Variants in DAXX observed in about 807,000 individuals in gnomAD.
DAXX encodes death domain associated protein.
Under a neutral mutation model 61.9 loss-of-function variants are expected in DAXX, and 24 were observed. The observed-to-expected ratio is 0.39, with a 90% confidence interval of 0.28 to 0.55. The LOEUF is 0.55. Among genes scored for constraint, DAXX ranks in the 20% least tolerant of loss-of-function variants. The probability of loss-of-function intolerance (pLI) is 0.69; values close to 1 mark genes in which losing one functional copy is unlikely to be tolerated. For missense variants in DAXX, 819 were observed against 935.3 expected (o/e 0.88, Z 1.62); for synonymous variants, 357 against 369.5 (o/e 0.97, Z 0.39).
At chr6:33,319,346 T>C (rs1027504961) in intron 6 of DAXX, 34 bp downstream of exon 6, 3 of 1,592,516 alleles carry the variant, frequency 1.9e-6, no homozygotes, top group Non-Finnish European at 2.6e-6. Flanking sequence ...CAATCCCTCC[T>C]TGGCTTCCCT....
In DAXX at chr6:33,319,405, TTTG is replaced by T; in HGVS notation, c.1912_1914del (p.Gln638del). ...CTGTTTCCTAATGGCCCTGATCCTG[TTTG>T]CTTCTTCTCCTTCCGAGATTTTTTG... On this transcript the variant is annotated inframe_deletion, in exon 6 of 8. Coordinates refer to ENST00000374542, the MANE Select transcript of DAXX (RefSeq NM_001141969.2). 1 of 1,612,844 alleles carries T rather than the reference TTTG, an allele frequency of 6.2e-7. No homozygotes were observed. Among genetic ancestry groups the T allele is most frequent in the African/African-American group, 1.3e-5 (1 of 74,972 alleles).
In DAXX at chr6:33,318,571, G is replaced by T. The variant is rs752008329; in HGVS notation, c.*172C>A. 3 of 437,688 alleles carry T rather than the reference G, an allele frequency of 6.9e-6. No homozygotes were observed. Among genetic ancestry groups the T allele is most frequent in the Non-Finnish European group, 8.1e-6 (2 of 247,618 alleles). 27.1% of individuals were successfully genotyped at this position (437,688 alleles called of 1,614,324 possible). On this transcript the variant is annotated 3_prime_UTR_variant, in exon 8 of 8. Coordinates refer to ENST00000374542, the MANE Select transcript of DAXX (RefSeq NM_001141969.2). ...AAAAGACAGTGATACAGTAAGAAAA[G>T]AACTTTATTGTTTATTAATGTTTCT...
At position 33,321,544 on chromosome 6, in the gene DAXX, C is replaced by G. The variant is rs2150998642; in HGVS notation, c.231G>C (p.Gln77His). ...GGACCACCTCAGGGTGGTCTGCTGT[C>G]TGCATCTTACAAAGTTCAAGGAACT... Reference protein sequence around the residue: ...FEEFLELCKMQTADHPEVVPF... With the variant: ...FEEFLELCKMHTADHPEVVPF... Residue 77 changes from glutamine to histidine, a missense_variant, in exon 3 of 8, where the codon CAG becomes CAC. Transcript: ENST00000374542. This position sits in a 1 kb window ranked among gnomAD's most constrained non-coding sequence, Gnocchi z 7.2. 6.2e-7 allele frequency: 1 copy of G among 1,613,414 alleles called. No homozygotes were observed. Among genetic ancestry groups the G allele is most frequent in the Non-Finnish European group, 8.5e-7 (1 of 1,179,810 alleles).
In DAXX at chr6:33,322,846, A is replaced by G; in HGVS notation, c.-53+16T>C. On this transcript the variant is annotated intron_variant, in intron 1 of 7. Coordinates refer to ENST00000374542, the MANE Select transcript of DAXX (RefSeq NM_001141969.2). ...CCCCGCCCCCGCCTCTGATCCCCGC[A>G]CCGTCCGGCCCCCACCTCAGAAACC... The G allele has an allele frequency of 2.4e-6, 2 of 816,810 alleles. No homozygotes were observed. Among genetic ancestry groups the G allele is most frequent in the Non-Finnish European group, 3.3e-6 (2 of 603,114 alleles). 50.6% of individuals were successfully genotyped at this position (816,810 alleles called of 1,614,324 possible).
Position 33,321,523 on chromosome 6 carries a change from C to T in DAXX, c.252G>A (p.Val84=), listed in dbSNP as rs756002031. Reference sequence around the variant, plus strand: ...GCTGCCGGTTATAGAGGAATGGGACCACCTCAGGGTGGTCTGCTGTCTGCA... The same window carrying T: ...GCTGCCGGTTATAGAGGAATGGGACTACCTCAGGGTGGTCTGCTGTCTGCA... The part of the protein sequence containing the change: ...CKMQTADHPE[V]VPFLYNRQQR... The change falls in exon 3 of 8, where the codon GTG becomes GTA. Residue 84 remains valine, a synonymous_variant. Coordinates refer to ENST00000374542, the MANE Select transcript of DAXX (RefSeq NM_001141969.2). The surrounding 1 kb of genome is among the most constrained non-coding windows in gnomAD (Gnocchi z 7.2). 10 of 1,613,814 alleles carry T rather than the reference C, an allele frequency of 6.2e-6. No individual in the cohort carries two copies. Among genetic ancestry groups the T allele is most frequent in the Non-Finnish European group, 1.7e-6 (2 of 1,180,002 alleles).
Position 33,321,076 on chromosome 6 carries a change from G to A in DAXX, c.699C>T (p.Ile233=), listed in dbSNP as rs1277799430. 6.2e-7 allele frequency: 1 copy of A among 1,613,458 alleles called. No individual in the cohort carries two copies. Among genetic ancestry groups the A allele is most frequent in the Non-Finnish European group, 8.5e-7 (1 of 1,179,358 alleles). Reference sequence around the variant, plus strand: ...GCTCACATAGTCGCCCAAAGAGGCGGATCAGCTTACGCTTCAACCGTGCCT... The same window carrying A: ...GCTCACATAGTCGCCCAAAGAGGCGAATCAGCTTACGCTTCAACCGTGCCT... The part of the protein sequence containing the change: ...LQEARLKRKL[I]RLFGRLCELK... The change falls in exon 3 of 8, where the codon ATC becomes ATT. Residue 233 remains isoleucine, a synonymous_variant. Transcript: ENST00000374542. The surrounding 1 kb of genome is among the most constrained non-coding windows in gnomAD (Gnocchi z 7.2).
In DAXX at chr6:33,322,888, C is replaced by T. The variant is rs1172977292; in HGVS notation, c.-79G>A. Reference sequence around the variant, plus strand: ...TCAGAAACCGTCTCTCGAGGCGACCCTCGCCGCAATTCTCAGAACCTCGCA... The same window carrying T: ...TCAGAAACCGTCTCTCGAGGCGACCTTCGCCGCAATTCTCAGAACCTCGCA... On this transcript the variant is annotated 5_prime_UTR_variant, in exon 1 of 8. Coordinates refer to ENST00000374542, the MANE Select transcript of DAXX (RefSeq NM_001141969.2). 1 of 1,443,334 alleles carries T rather than the reference C, an allele frequency of 6.9e-7. No homozygotes were observed. The highest frequency in any genetic ancestry group is 9.4e-7 in the Non-Finnish European group (1 of 1,067,168). 89.4% of individuals were successfully genotyped at this position (1,443,334 alleles called of 1,614,324 possible).
chr6:33,322,160 G>T (rs1330562034), intron 1 of DAXX, among the ~76,000 whole-genome samples, 183 bp from the exon 2 acceptor site: 3 of 151,342 alleles, frequency 2.0e-5, no homozygotes, highest in Non-Finnish European at 4.4e-5. Flanking sequence ...GGTGTGGGGG[G>T]GGGGCAAACC....
At position 33,320,958 on chromosome 6, in the gene DAXX, G is replaced by A. The variant is rs757641659; in HGVS notation, c.817C>T (p.Arg273Trp). 4 of 1,613,814 alleles carry A rather than the reference G, an allele frequency of 2.5e-6. No homozygotes were observed. Among genetic ancestry groups the A allele is most frequent in the East Asian group, 2.2e-5 (1 of 44,880 alleles). The change falls in exon 3 of 8, where the codon CGG (arginine) becomes TGG (tryptophan). Residue 273 changes from arginine (R) to tryptophan (W), a missense_variant. Coordinates refer to ENST00000374542, the MANE Select transcript of DAXX (RefSeq NM_001141969.2). This position sits in a 1 kb window ranked among gnomAD's most constrained non-coding sequence, Gnocchi z 7.1. The part of the protein sequence containing the change: ...RYPEVNRRIE[R>W]LINKPGPDTF... The stretch of plus-strand genomic sequence containing the variant: ...TCAGGCCCTGGCTTGTTGATGAGCC[G>A]CTCAATGCGCCTGTTAACCTCTGGG...
chr6:33,321,423 T>TCCGGGC lies in DAXX; in HGVS notation c.346_351dup (p.Ala116_Arg117dup), dbSNP rs1267008461. The TCCGGGC allele has an allele frequency of 1.9e-6, 3 of 1,613,658 alleles. No individual in the cohort carries two copies. The highest frequency in any genetic ancestry group is 2.5e-6 in the Non-Finnish European group (3 of 1,179,802). ...TAGACATAGAGCTTGGCTGGCCGGCTCCGGGCCCGAGACAGGACCCTAGAG... is the reference window on the plus strand; with the variant it reads ...TAGACATAGAGCTTGGCTGGCCGGCTCCGGGCCCGGGCCCGAGACAGGACCCTAGAG... On this transcript the variant is annotated inframe_insertion, in exon 3 of 8. Transcript: ENST00000374542. The surrounding 1 kb of genome is among the most constrained non-coding windows in gnomAD (Gnocchi z 7.2).
At position 33,319,171 on chromosome 6, in the gene DAXX, T is replaced by C; in HGVS notation, c.1989A>G (p.Ile663Met). ...RSVHEKNGKK[I>M]CTLPSPPSPL... ...GGGAAGGTGGGCTGGGCAGGGTACA[T>C]ATCTTTTTCCCATTCTTCTCATGCA... Residue 663 changes from isoleucine to methionine, a missense_variant, in exon 7 of 8, where the codon ATA becomes ATG. By Grantham distance (10) the Ile-to-Met change is conservative (BLOSUM62 1). Coordinates refer to ENST00000374542, the MANE Select transcript of DAXX (RefSeq NM_001141969.2). 6.2e-7 allele frequency: 1 copy of C among 1,612,440 alleles called. No individual in the cohort carries two copies. Among genetic ancestry groups the C allele is most frequent in the Non-Finnish European group, 8.5e-7 (1 of 1,178,792 alleles).
chr6:33,322,796 C>G (rs904156032), intron 1 of DAXX, 66 bp downstream of exon 1: 4 of 772,628 alleles, frequency 5.2e-6, no homozygotes, highest in Admixed American at 4.2e-5. Context: ...GCGCCCAGCT[C>G]TCCCCAATAC....
Position 33,320,527 on chromosome 6 carries a change from G to A in DAXX, c.1104C>T (p.Ala368=), listed in dbSNP as rs781403824. The A allele has an allele frequency of 6.2e-6, 10 of 1,613,810 alleles. No homozygotes were observed. The highest frequency in any genetic ancestry group is 2.2e-5 in the East Asian group (1 of 44,898). ...ARRLRENRSL[A]MSRLDEVISK... ...AGATGACCTCATCCAGCCGACTCAT[G>A]GCCAAACTCCGGTTTTCCCGAAGGC... The change falls in exon 4 of 8, where the codon GCC becomes GCT. Residue 368 remains alanine, a synonymous_variant. Coordinates refer to ENST00000374542, the MANE Select transcript of DAXX (RefSeq NM_001141969.2). This position sits in a 1 kb window ranked among gnomAD's most constrained non-coding sequence, Gnocchi z 7.1.
At position 33,322,954 on chromosome 6, in the gene DAXX, C is replaced by A; in HGVS notation, c.-145G>T. 7 of 1,191,632 alleles carry A rather than the reference C, an allele frequency of 5.9e-6. No homozygotes were observed. The highest frequency in any genetic ancestry group is 3.1e-5 in the East Asian group (1 of 32,162). 73.8% of individuals were successfully genotyped at this position (1,191,632 alleles called of 1,614,324 possible). On this transcript the variant is annotated 5_prime_UTR_variant, in exon 1 of 8. Transcript: ENST00000374542. ...TCCTTCCCACTCCCACCGCAGGCCCCACTACGGACCGGAAGTCACAGAGTT... is the reference window on the plus strand; with the variant it reads ...TCCTTCCCACTCCCACCGCAGGCCCAACTACGGACCGGAAGTCACAGAGTT...
At position 33,320,565 on chromosome 6, in the gene DAXX, C is replaced by T; in HGVS notation, c.1066G>A (p.Val356Met). 4 of 1,613,996 alleles carry T rather than the reference C, an allele frequency of 2.5e-6. No homozygotes were observed. Among genetic ancestry groups the T allele is most frequent in the Non-Finnish European group, 2.5e-6 (3 of 1,180,010 alleles). ...TTTTCCCGAAGGCGCCGGGCCAACA[C>T]AGGATCTGATAGTGCAGGGTCAACG... ...PGVDPALSDP[V>M]LARRLRENRS... The change falls in exon 4 of 8, where the codon GTG (valine) becomes ATG (methionine). Residue 356 changes from valine (V) to methionine (M), a missense_variant. Physicochemically the swap from Val to Met is conservative, Grantham distance 21. Transcript: ENST00000374542. This position sits in a 1 kb window ranked among gnomAD's most constrained non-coding sequence, Gnocchi z 7.1.
At position 33,319,037 on chromosome 6, in the gene DAXX, T is replaced by G; in HGVS notation, c.2123A>C (p.Gln708Pro). Residue 708 changes from glutamine (Q) to proline (P), a missense_variant, in exon 7 of 8, where the codon CAA (glutamine) becomes CCA (proline). By Grantham distance (76) the Gln-to-Pro change is moderately conservative (BLOSUM62 -1). Transcript: ENST00000374542. Reference sequence around the variant, plus strand: ...CCGAGGAGGCTGTGAATGGGGGGTTTGGGACAGCCGGGCTGGAGAAGGGAT... The same window carrying G: ...CCGAGGAGGCTGTGAATGGGGGGTTGGGGACAGCCGGGCTGGAGAAGGGAT... ...LCIPSPARLS[Q>P]TPHSQPPRPG... is the part of the protein sequence containing the mutation. 1 of 1,613,694 alleles carries G rather than the reference T, an allele frequency of 6.2e-7. No individual in the cohort carries two copies. Among genetic ancestry groups the G allele is most frequent in the Non-Finnish European group, 8.5e-7 (1 of 1,180,002 alleles).
At position 33,321,419 on chromosome 6, in the gene DAXX, C is replaced by T. The variant is rs771284147; in HGVS notation, c.356G>A (p.Arg119Gln). 3 of 1,613,806 alleles carry T rather than the reference C, an allele frequency of 1.9e-6. No individual in the cohort carries two copies. The highest frequency in any genetic ancestry group is 1.3e-5 in the African/African-American group (1 of 74,896). Residue 119 changes from arginine to glutamine, a missense_variant, in exon 3 of 8, where the codon CGG becomes CAG. Transcript: ENST00000374542. This position sits in a 1 kb window ranked among gnomAD's most constrained non-coding sequence, Gnocchi z 7.2. Reference protein sequence around the residue: ...LSRVLSRARSRPAKLYVYINE... With the variant: ...LSRVLSRARSQPAKLYVYINE... ...GATGTAGACATAGAGCTTGGCTGGC[C>T]GGCTCCGGGCCCGAGACAGGACCCT...
rs2150991628 is a variant in DAXX, at chr6:33,320,261, C to T, written c.1252-37G>A. ...AGAAGTTTCTCTAAGGAATCCCTTG[C>T]CCCAGAGGGTTTGGTTCTTGCTTTC... On this transcript the variant is annotated intron_variant, in intron 4 of 7. Coordinates refer to ENST00000374542, the MANE Select transcript of DAXX (RefSeq NM_001141969.2). The surrounding 1 kb of genome is among the most constrained non-coding windows in gnomAD (Gnocchi z 7.1). The T allele has an allele frequency of 6.5e-7, 1 of 1,535,366 alleles. No homozygotes were observed. Among genetic ancestry groups the T allele is most frequent in the Non-Finnish European group, 9.0e-7 (1 of 1,108,726 alleles).
rs749571676 is a variant in DAXX at position 33,319,214 on chromosome 6, A to C, written c.1946T>G (p.Val649Gly). 27 of 1,596,638 alleles carry C rather than the reference A, an allele frequency of 1.7e-5. 1 individual carries two copies. In the South Asian group the frequency reaches 3.0e-4, roughly 18 times the overall value. ...TGSGPLGNSY[V>G]ERQRSVHEKN... ...CTCATGCACTGACCTTTGCCTTTCC[A>C]CATAGCTAGAAACAGAAACATAAAT... The change falls in exon 7 of 8, where the codon GTG becomes GGG. Residue 649 changes from valine to glycine, a missense_variant. By Grantham distance (109) the Val-to-Gly change is moderately radical (BLOSUM62 -3). Transcript: ENST00000374542.
Sources: gnomAD v4.1 joint callset for allele counts (sites outside exome capture counted in the v4.1 genomes callset) on GRCh38, gnomAD v4.1.1 for gene constraint, Gnocchi (gnomAD v3.1) non-coding constraint, MANE v1.5 for transcripts, NCBI Gene and HGNC (gene_info 2026-07-23, HGNC 2026-07-21) for gene names.